BCKDHB: variants seen among roughly 807,000 people sequenced by gnomAD.
BCKDHB encodes the protein 2-oxoisovalerate dehydrogenase subunit beta, mitochondrial.
BCKDHB carries 41 observed loss-of-function variants against 48.5 expected under a neutral mutation model. The observed-to-expected ratio is 0.85, with a 90% CI of 0.66 to 1.10. The LOEUF is 1.10. BCKDHB is among the 50% of genes least tolerant of loss of function. The pLI, the probability that BCKDHB is intolerant of heterozygous loss-of-function variation, is 0.00. For synonymous variants in BCKDHB, 201 were observed against 174.8 expected (o/e 1.15, Z -1.18); for missense variants, 496 against 494.2 (o/e 1.00, Z -0.03).
the BCKDHB span, among the ~76,000 whole-genome samples, chr6:80,466,218 T>C: frequency 3.9e-5 from 6 of 152,192 alleles, no homozygotes; most frequent in African/African-American, 1.4e-4. Context: ...TTAGGTATAT[T>C]ATATGTATAC....
At chr6:80,210,134 A>C (rs71565084) in intron 8 of BCKDHB, among the ~76,000 whole-genome samples, 1 of 77,326 alleles carries the variant, frequency 1.3e-5, no homozygotes, top group Non-Finnish European at 2.7e-5. Flanking sequence ...GAAGAAATAT[A>C]CAAAAAAAAA....
intron 1 of BCKDHB, among the ~76,000 whole-genome samples, chr6:80,126,124 C>T (rs528064481): frequency 2.6e-5 from 4 of 152,058 alleles, no homozygotes; most frequent in Non-Finnish European, 2.9e-5. Context: ...TGAGTAAATT[C>T]GTATTATCTC....
chr6:80,334,363 CT>C (rs1273467335), intron 9 of BCKDHB, among the ~76,000 whole-genome samples: 1 of 151,988 alleles, frequency 6.6e-6, no homozygotes, highest in Non-Finnish European at 1.5e-5. Context: ...TCAGATATTC[CT>C]GCCAGAAACT....
chr6:80,157,620 C>T (rs1772112092), intron 3 of BCKDHB, among the ~76,000 whole-genome samples: 2 of 151,624 alleles, frequency 1.3e-5, no homozygotes, highest in African/African-American at 4.8e-5. Flanking sequence ...CATGTGCCAC[C>T]ACACCTGGCT....
intron 3 of BCKDHB, among the ~76,000 whole-genome samples, chr6:80,155,844 T>G (rs1430997923): frequency 6.6e-6 from 1 of 151,738 alleles, no homozygotes; most frequent in Non-Finnish European, 1.5e-5. Flanking sequence ...AAGTTGTTTT[T>G]TTTTTTTTTT....
At chr6:80,206,866 A>C (rs1038096508) in intron 8 of BCKDHB, among the ~76,000 whole-genome samples, 1 of 152,050 alleles carries the variant, frequency 6.6e-6, no homozygotes, top group Non-Finnish European at 1.5e-5. Context: ...AGATTTCAGA[A>C]CATCATTACA....
At chr6:80,204,997 T>A (rs898902921) in intron 8 of BCKDHB, among the ~76,000 whole-genome samples, 4 of 152,062 alleles carry the variant, frequency 2.6e-5, no homozygotes, top group Admixed American at 2.0e-4. Context: ...CTTATTAGCG[T>A]CATTATTTTG....
chr6:80,283,155 A>C (rs1429755904), intron 9 of BCKDHB, among the ~76,000 whole-genome samples: 1 of 152,074 alleles, frequency 6.6e-6, no homozygotes, highest in Non-Finnish European at 1.5e-5. Flanking sequence ...CAGAAGTGAA[A>C]GCAGCATTGT....
chr6:80,375,071 C>G, the BCKDHB span, among the ~76,000 whole-genome samples: 3 of 152,184 alleles, frequency 2.0e-5, no homozygotes, highest in African/African-American at 7.2e-5. Context: ...TTTTGCCTTA[C>G]AGTTCTTAAA....
chr6:80,396,841 T>A, the BCKDHB span, among the ~76,000 whole-genome samples: 1 of 152,242 alleles, frequency 6.6e-6, no homozygotes, highest in Non-Finnish European at 1.5e-5. Context: ...TGTGGAACTG[T>A]AAATCAATTA....
At chr6:80,270,515 A>G (rs1487203821) in intron 8 of BCKDHB, among the ~76,000 whole-genome samples, 7 of 151,912 alleles carry the variant, frequency 4.6e-5, no homozygotes, top group Non-Finnish European at 7.4e-5. Context: ...CACAAACTCA[A>G]AGTGTGATTA....
chr6:80,122,389 C>G (rs1433550049), intron 1 of BCKDHB, among the ~76,000 whole-genome samples: 1 of 152,170 alleles, frequency 6.6e-6, no homozygotes, highest in Non-Finnish European at 1.5e-5. Flanking sequence ...AGGATTCCTT[C>G]TTTTTCTATT....
At chr6:80,254,706 A>C (rs1776976613) in intron 8 of BCKDHB, among the ~76,000 whole-genome samples, 1 of 152,172 alleles carries the variant, frequency 6.6e-6, no homozygotes, top group Non-Finnish European at 1.5e-5. Context: ...TCTCTTAAAA[A>C]AACACAACAC....
the BCKDHB span, among the ~76,000 whole-genome samples, chr6:80,352,434 C>T: frequency 6.6e-6 from 1 of 152,092 alleles, no homozygotes; most frequent in South Asian, 2.1e-4. Flanking sequence ...GTCAATCAAC[C>T]CCCAGGCTAG....
At chr6:80,227,045 A>C (rs529354596) in intron 8 of BCKDHB, among the ~76,000 whole-genome samples, 1 of 152,198 alleles carries the variant, frequency 6.6e-6, no homozygotes, top group East Asian at 1.9e-4. Context: ...TAAAGGGTAA[A>C]CAAGAGTTTC....
At chr6:80,125,423 G>T (rs1442640780) in intron 1 of BCKDHB, among the ~76,000 whole-genome samples, 1 of 152,118 alleles carries the variant, frequency 6.6e-6, no homozygotes, top group Non-Finnish European at 1.5e-5. Context: ...GTGCTTACTG[G>T]AATAACAGTT....
chr6:80,126,494 TA>T (rs1770346589), intron 1 of BCKDHB, among the ~76,000 whole-genome samples: 1 of 152,084 alleles, frequency 6.6e-6, no homozygotes, highest in South Asian at 2.1e-4. Context: ...CACACTAGGC[TA>T]ATGAATAGCA....
intron 9 of BCKDHB, among the ~76,000 whole-genome samples, chr6:80,298,211 C>T (rs895065624): frequency 6.6e-6 from 1 of 152,114 alleles, no homozygotes; most frequent in Non-Finnish European, 1.5e-5. Flanking sequence ...CTCCTGTGTT[C>T]AAGTGATTCT....
intron 3 of BCKDHB, among the ~76,000 whole-genome samples, chr6:80,133,322 A>C (rs1018271619): frequency 2.0e-5 from 3 of 152,248 alleles, no homozygotes; most frequent in Non-Finnish European, 4.4e-5. Context: ...CAATGCTATA[A>C]GAAAAGGAAG....
Sources: allele counts gnomAD v4.1 joint callset (sites outside exome capture counted in the v4.1 genomes callset), GRCh38; gene constraint gnomAD v4.1.1; transcripts MANE v1.5; gene names NCBI Gene and HGNC (gene_info 2026-07-23, HGNC 2026-07-21).